Variants in WDTC1 observed in about 807,000 individuals in gnomAD.
WDTC1 encodes the protein WD and tetratricopeptide repeats 1.
In WDTC1, 12 loss-of-function variants were observed where a neutral mutation model predicts 76.0. The ratio of observed to expected loss-of-function variants is 0.16; its 90% CI spans 0.10 to 0.26. The LOEUF (loss-of-function observed/expected upper bound fraction) is 0.26, where lower values mean the gene tolerates loss of function less well. Ranked by LOEUF, WDTC1 falls within the 10% of genes least tolerant of loss-of-function variation. The probability of loss-of-function intolerance (pLI) is 1.00; values close to 1 mark genes in which losing one functional copy is unlikely to be tolerated. For synonymous variants in WDTC1, 326 were observed against 350.8 expected, an observed-to-expected ratio of 0.93 and a Z score of 0.79; for missense variants, 511 against 908.8, an observed-to-expected ratio of 0.56 and a Z score of 5.63.
chr1:27,241,320 T>G (rs2011626423), intron 1 of WDTC1, among the ~76,000 whole-genome samples: 1 of 152,112 alleles, frequency 6.6e-6, no homozygotes, highest in Admixed American at 6.6e-5. Flanking sequence ...AGGGCAGTGT[T>G]TGGATCAGGA....
chr1:27,254,664 G>A (rs766970612), intron 1 of WDTC1, among the ~76,000 whole-genome samples: 6 of 151,840 alleles, frequency 4.0e-5, no homozygotes, highest in Non-Finnish European at 8.8e-5. Flanking sequence ...ACGGAGTTTC[G>A]CTCTGTCATC....
At chr1:27,296,273 C>T in intron 9 of WDTC1, 53 bp from the exon 10 acceptor site, 1 of 1,608,440 alleles carries the variant, frequency 6.2e-7, no homozygotes, top group South Asian at 1.1e-5. Context: ...ACTGGTTCAA[C>T]CACATCCTTA....
chr1:27,243,589 T>C (rs1344602939), intron 1 of WDTC1, among the ~76,000 whole-genome samples: 1 of 152,158 alleles, frequency 6.6e-6, no homozygotes, highest in Non-Finnish European at 1.5e-5. Context: ...CTAAGAACTG[T>C]GTAGCTTTGG....
At chr1:27,259,514 CAG>C (rs1311409820) in intron 1 of WDTC1, among the ~76,000 whole-genome samples, 4 of 151,610 alleles carry the variant, frequency 2.6e-5, no homozygotes, top group African/African-American at 7.3e-5. Flanking sequence ...TCTTTAGAGG[CAG>C]AGTCTCGCTA....
rs776269783 is a variant in WDTC1, at chr1:27,303,839, G to C, written c.1643+44G>C. 2 of 1,607,014 alleles carry C rather than the reference G, an allele frequency of 1.2e-6. No homozygotes were observed. The highest frequency in any genetic ancestry group is 1.7e-4 in the Middle Eastern group (1 of 6,038). On this transcript the variant is annotated intron_variant, in intron 14 of 15. Transcript: ENST00000319394. The surrounding 1 kb of genome is among the most constrained non-coding windows in gnomAD (Gnocchi z 4.8). ...GAGGGTGCAGCCCAGTTGGCAGCGGGAGGTTGAGTGGGGAGTGTTGGGGCA... is the reference window on the plus strand; with the variant it reads ...GAGGGTGCAGCCCAGTTGGCAGCGGCAGGTTGAGTGGGGAGTGTTGGGGCA...
intron 5 of WDTC1, among the ~76,000 whole-genome samples, chr1:27,284,907 G>C (rs1041286642): frequency 1.3e-5 from 2 of 152,102 alleles, no homozygotes; most frequent in Non-Finnish European, 2.9e-5. Context: ...ACAAGATCAT[G>C]ACAAGGGCTC....
intron 6 of WDTC1, among the ~76,000 whole-genome samples, chr1:27,288,660 G>C (rs181952400): frequency 6.6e-6 from 1 of 151,696 alleles, no homozygotes; most frequent in East Asian, 1.9e-4. Flanking sequence ...AGAGCACAGG[G>C]TTGGGGGTAA....
At chr1:27,261,571 T>C (rs2012476127) in intron 2 of WDTC1, among the ~76,000 whole-genome samples, 1 of 152,238 alleles carries the variant, frequency 6.6e-6, no homozygotes, top group Admixed American at 6.5e-5. Context: ...GACACTCTGA[T>C]ACCTGTGAGA....
rs556887839 is a variant in WDTC1 at position 27,305,929 on chromosome 1, G to A, written c.1837-257G>A. On this transcript the variant is annotated intron_variant, in intron 15 of 15. Coordinates refer to ENST00000319394, the MANE Select transcript of WDTC1 (RefSeq NM_001276252.2). The surrounding 1 kb of genome is among the most constrained non-coding windows in gnomAD (Gnocchi z 4.6). ...TATCCTGGTGTGTACTGTCCCCCACGTATATCCCAGCATGTTATGACCTGC... is the reference window on the plus strand; with the variant it reads ...TATCCTGGTGTGTACTGTCCCCCACATATATCCCAGCATGTTATGACCTGC... 7.9e-5 allele frequency among the ~76,000 whole-genome samples: 12 copies of A among 152,090 alleles called. No individual in the cohort carries two copies. Among genetic ancestry groups the A allele is most frequent in the Admixed American group, 2.0e-4 (3 of 15,260 alleles).
At position 27,303,586 on chromosome 1, in the gene WDTC1, C is replaced by A. The variant is rs1411701500; in HGVS notation, c.1469-35C>A. The A allele has an allele frequency of 1.3e-6, 2 of 1,555,606 alleles. No homozygotes were observed. Among genetic ancestry groups the A allele is most frequent in the South Asian group, 2.4e-5 (2 of 82,282 alleles). ...GAAAATAGGGAAGGAGAGAAAGGAA[C>A]AAGGCGCTTACCTTTTCTGGATCTC... On this transcript the variant is annotated intron_variant, in intron 13 of 15. Transcript: ENST00000319394. This position sits in a 1 kb window ranked among gnomAD's most constrained non-coding sequence, Gnocchi z 4.8.
At chr1:27,270,680 AGCGACTCT>A (rs910698340) in intron 3 of WDTC1, among the ~76,000 whole-genome samples, 3 of 152,202 alleles carry the variant, frequency 2.0e-5, no homozygotes, top group Non-Finnish European at 4.4e-5. Flanking sequence ...TGGGCAACAG[AGCGACTCT>A]CCCTCAAAAA....
Position 27,242,094 on chromosome 1 carries a change from G to A in WDTC1, c.-100+7143G>A, listed in dbSNP as rs551367833. On this transcript the variant is annotated intron_variant, in intron 1 of 15. Transcript: ENST00000319394. Reference sequence around the variant, plus strand: ...TTTAGTAGAGACGGGGTTTTACCATGTTGGCCAGGCTGGTCTCCAACTCCT... The same window carrying A: ...TTTAGTAGAGACGGGGTTTTACCATATTGGCCAGGCTGGTCTCCAACTCCT... Among the ~76,000 whole-genome samples the A allele has an allele frequency of 2.2e-3, 331 of 152,136 alleles. 3 individuals carry two copies. Among genetic ancestry groups the A allele is most frequent in the South Asian group, 3.5e-3 (17 of 4,810 alleles).
In WDTC1 at chr1:27,305,186, G is replaced by A. The variant is rs752145722; in HGVS notation, c.1829G>A (p.Arg610Gln). ...IDPVVRLWNP[R>Q]PESEDLTGRV... ...CCTGTTGTGCGGCTCTGGAACCCCC[G>A]ACCAGAGGTGAGGGTGCAGAGCCAA... Residue 610 changes from arginine (R) to glutamine (Q), a missense_variant, in exon 15 of 16, where the codon CGA (arginine) becomes CAA (glutamine). By Grantham distance (43) the Arg-to-Gln change is conservative. Transcript: ENST00000319394. This position sits in a 1 kb window ranked among gnomAD's most constrained non-coding sequence, Gnocchi z 4.6. 2.5e-6 allele frequency: 4 copies of A among 1,613,314 alleles called. No individual in the cohort carries two copies. Among genetic ancestry groups the A allele is most frequent in the Admixed American group, 1.7e-5 (1 of 59,960 alleles).
intron 1 of WDTC1, among the ~76,000 whole-genome samples, chr1:27,253,263 C>T (rs921911626): frequency 1.2e-4 from 18 of 152,032 alleles, no homozygotes; most frequent in Non-Finnish European, 1.9e-4. Flanking sequence ...GATCTGCCCA[C>T]CTTGGCCTTC....
chr1:27,266,549 T>G (rs1156646166), intron 3 of WDTC1, among the ~76,000 whole-genome samples: 6 of 152,200 alleles, frequency 3.9e-5, no homozygotes, highest in Non-Finnish European at 7.3e-5. Context: ...ATTGTATAAG[T>G]CCATGGCACA....
In WDTC1 at chr1:27,295,298, T is replaced by A. The variant is rs191641606; in HGVS notation, c.873+669T>A. 6.6e-5 allele frequency among the ~76,000 whole-genome samples: 10 copies of A among 152,220 alleles called. No individual in the cohort carries two copies. In the East Asian group the frequency reaches 1.7e-3, roughly 26 times the overall value. ...GACATTACAAGGCAAGGCCCAAATA[T>A]ATACAAATGAAGCGGGATGCAGAAT... On this transcript the variant is annotated intron_variant, in intron 9 of 15. Transcript: ENST00000319394.
intron 1 of WDTC1, among the ~76,000 whole-genome samples, chr1:27,240,988 A>C (rs1484159418): frequency 2.2e-5 from 3 of 136,360 alleles, no homozygotes; most frequent in East Asian, 2.2e-4. Context: ...AAAAAAACAA[A>C]AAAACTTTAA....
At position 27,305,995 on chromosome 1, in the gene WDTC1, G is replaced by A. The variant is rs1363292827; in HGVS notation, c.1837-191G>A. 1.3e-5 allele frequency among the ~76,000 whole-genome samples: 2 copies of A among 151,942 alleles called. No individual in the cohort carries two copies. Among genetic ancestry groups the A allele is most frequent in the Non-Finnish European group, 2.9e-5 (2 of 67,980 alleles). On this transcript the variant is annotated intron_variant, in intron 15 of 15. Coordinates refer to ENST00000319394, the MANE Select transcript of WDTC1 (RefSeq NM_001276252.2). This position sits in a 1 kb window ranked among gnomAD's most constrained non-coding sequence, Gnocchi z 4.6. ...TGGCGTATCTCCCATATATATTCCA[G>A]CGTGAGCACCCCCAACAATATGTAG...
In WDTC1 at chr1:27,303,477, T is replaced by C. The variant is rs1465054649; in HGVS notation, c.1469-144T>C. ...CCAAAGATGCATCTTCCTCACAACC[T>C]TTCCCCAGTTTTCCAGGATAAGGGT... is the stretch of plus-strand genomic sequence containing the variant. On this transcript the variant is annotated intron_variant, in intron 13 of 15. Coordinates refer to ENST00000319394, the MANE Select transcript of WDTC1 (RefSeq NM_001276252.2). This position sits in a 1 kb window ranked among gnomAD's most constrained non-coding sequence, Gnocchi z 4.8. The C allele has an allele frequency of 1.9e-6, 2 of 1,048,424 alleles. No homozygotes were observed. The highest frequency in any genetic ancestry group is 6.2e-5 in the East Asian group (2 of 32,304). The allele number at this position is 1,048,424 out of a possible 1,614,324, so 64.9% of individuals were successfully genotyped here.
Sources: allele counts gnomAD v4.1 joint callset (sites outside exome capture counted in the v4.1 genomes callset), GRCh38; gene constraint gnomAD v4.1.1; non-coding constraint Gnocchi (gnomAD v3.1); transcripts MANE v1.5; gene names NCBI Gene and HGNC (gene_info 2026-07-23, HGNC 2026-07-21).